STX2: variants seen among roughly 807,000 people sequenced by gnomAD.
The protein encoded by STX2 is syntaxin-2.
A neutral mutation model predicts 40.6 loss-of-function variants in STX2; 27 were observed. The ratio of observed to expected loss-of-function variants is 0.66; its 90% CI spans 0.49 to 0.92. STX2 has a LOEUF of 0.92. STX2 is among the 40% of genes least tolerant of loss of function. STX2 has a pLI of 0.00. For missense variants in STX2, 328 were observed against 366.1 expected (o/e 0.90, Z 0.85); for synonymous variants, 123 against 119.1 (o/e 1.03, Z -0.22).
intron 3 of STX2, 125 bp downstream of exon 3, chr12:130,821,564 G>A: frequency 1.3e-6 from 1 of 768,206 alleles, no homozygotes; most frequent in Non-Finnish European, 2.2e-6. Context: ...AGACTCTCTA[G>A]GGTGTCAGCA....
chr12:130,824,539 G>A (rs186631140), intron 2 of STX2, among the ~76,000 whole-genome samples: 2 of 152,232 alleles, frequency 1.3e-5, no homozygotes, highest in East Asian at 3.9e-4. Flanking sequence ...GAGACCGCAG[G>A]GCTATACACC....
intron 3 of STX2, among the ~76,000 whole-genome samples, chr12:130,814,917 G>C (rs1426369663): frequency 6.6e-6 from 1 of 152,118 alleles, no homozygotes; most frequent in Non-Finnish European, 1.5e-5. Flanking sequence ...TTACAGGCGT[G>C]AGCCACTGCA....
chr12:130,832,705 G>A (rs781551420), intron 1 of STX2, among the ~76,000 whole-genome samples: 6 of 152,192 alleles, frequency 3.9e-5, no homozygotes, highest in Non-Finnish European at 7.4e-5. Context: ...CCGTGGAGAC[G>A]AAGAGAAACC....
rs1393204777 is a variant in STX2 at position 130,797,973 on chromosome 12, C to T, written c.786+552G>A. Among the ~76,000 whole-genome samples the T allele has an allele frequency of 4.6e-5, 7 of 152,252 alleles. No individual in the cohort carries two copies. In the East Asian group the frequency reaches 1.2e-3, roughly 25 times the overall value. ...GTGTAGCCAACAATTTGGTGCCAGG[C>T]ACCGTGCCTCACGCCTGTAATCCCA... On this transcript the variant is annotated intron_variant, in intron 9 of 10. Coordinates refer to ENST00000392373, the MANE Select transcript of STX2 (RefSeq NM_194356.4).
chr12:130,831,695 C>T (rs1220686698), intron 1 of STX2, among the ~76,000 whole-genome samples: 2 of 152,010 alleles, frequency 1.3e-5, no homozygotes, highest in South Asian at 2.1e-4. Flanking sequence ...TGGTGCTAAA[C>T]GTAACCTACT....
chr12:130,797,149 T>G (rs1479567273), intron 9 of STX2, among the ~76,000 whole-genome samples: 2 of 152,206 alleles, frequency 1.3e-5, no homozygotes, highest in Non-Finnish European at 2.9e-5. Context: ...AGAGCCAGGC[T>G]TGCTCATCCA....
intron 3 of STX2, among the ~76,000 whole-genome samples, chr12:130,814,587 C>T (rs1951787038): frequency 6.9e-6 from 1 of 145,364 alleles, no homozygotes; most frequent in African/African-American, 2.6e-5. Context: ...CTGAAGGTTT[C>T]TCAGCAAAGA....
intron 3 of STX2, among the ~76,000 whole-genome samples, chr12:130,817,115 A>G (rs1485996315): frequency 6.6e-6 from 1 of 152,202 alleles, no homozygotes; most frequent in East Asian, 1.9e-4. Flanking sequence ...AAGAAAAAAA[A>G]AAACACATGA....
At chr12:130,815,309 A>G (rs1380674719) in intron 3 of STX2, among the ~76,000 whole-genome samples, 2 of 152,190 alleles carry the variant, frequency 1.3e-5, no homozygotes, top group Non-Finnish European at 2.9e-5. Context: ...GACATAAGCC[A>G]GGAATGGCAC....
intron 3 of STX2, 135 bp from the exon 4 acceptor site, chr12:130,813,166 C>T (rs1951724594): frequency 1.9e-6 from 1 of 533,736 alleles, no homozygotes; most frequent in Admixed American, 4.0e-5. Flanking sequence ...AAAACTACCG[C>T]TTATACCAGT....
intron 1 of STX2, among the ~76,000 whole-genome samples, chr12:130,835,474 T>C (rs994716030): frequency 2.6e-5 from 4 of 152,146 alleles, no homozygotes; most frequent in Non-Finnish European, 4.4e-5. Context: ...TAAATAGATA[T>C]ATCATATATA....
chr12:130,801,382 G>A, intron 7 of STX2, 33 bp downstream of exon 7: 2 of 1,599,450 alleles, frequency 1.3e-6, no homozygotes, highest in East Asian at 2.2e-5. Context: ...TACAGAAGAG[G>A]ACATGGAGCC....
chr12:130,792,089 A>C (rs1950893264), intron 10 of STX2, 112 bp from the exon 11 acceptor site: 1 of 647,636 alleles, frequency 1.5e-6, no homozygotes, highest in South Asian at 2.0e-5. Context: ...ATCCATTATC[A>C]AGAAAGGACT....
At chr12:130,818,381 TG>T (rs368249807) in intron 3 of STX2, among the ~76,000 whole-genome samples, 1 of 74,372 alleles carries the variant, frequency 1.3e-5, no homozygotes, top group African/African-American at 4.8e-5. Flanking sequence ...CTCTGGAGGG[TG>T]GGGGGGAGAG....
At chr12:130,800,918 C>T (rs3902930) in intron 8 of STX2, among the ~76,000 whole-genome samples, 7,827 of 152,302 alleles carry the variant, frequency 0.051, 628 homozygotes, top group African/African-American at 0.17. Flanking sequence ...GCCTAAAAGG[C>T]TGACCTATGA....
At chr12:130,835,862 A>C (rs1346857406) in intron 1 of STX2, among the ~76,000 whole-genome samples, 1 of 151,610 alleles carries the variant, frequency 6.6e-6, no homozygotes, top group Non-Finnish European at 1.5e-5. Context: ...ACTGGTTAGA[A>C]ACTACATCTG....
At chr12:130,830,961 C>T (rs1267054970) in intron 1 of STX2, among the ~76,000 whole-genome samples, 3 of 152,312 alleles carry the variant, frequency 2.0e-5, no homozygotes, top group East Asian at 1.9e-4. Context: ...CATTCCATTT[C>T]GGTTAAATGT....
At chr12:130,818,817 GGCTGACTGCAGGA>G (rs1297709251) in intron 3 of STX2, among the ~76,000 whole-genome samples, 10 of 152,144 alleles carry the variant, frequency 6.6e-5, no homozygotes, top group African/African-American at 2.4e-4. Context: ...CCAGGCTGAC[GGCTGACTGCAGGA>G]GCGAATCAAA....
intron 8 of STX2, among the ~76,000 whole-genome samples, chr12:130,800,952 A>T (rs986652399): frequency 6.6e-6 from 1 of 152,226 alleles, no homozygotes; most frequent in East Asian, 1.9e-4. Context: ...TAATCAACTG[A>T]ACCAGTCCCT....
Sources: gnomAD v4.1 joint callset for allele counts (sites outside exome capture counted in the v4.1 genomes callset) on GRCh38, gnomAD v4.1.1 for gene constraint, MANE v1.5 for transcripts, NCBI Gene and HGNC (gene_info 2026-07-23, HGNC 2026-07-21) for gene names.